DOCK1: variants seen among roughly 807,000 people sequenced by gnomAD.
DOCK1 encodes the protein dedicator of cytokinesis protein 1.
DOCK1 carries 138 observed loss-of-function variants against 262.7 expected under a neutral mutation model. The ratio of observed to expected loss-of-function variants is 0.53; its 90% CI spans 0.46 to 0.61. The LOEUF is 0.61. DOCK1 is among the 20% of genes least tolerant of loss of function. The pLI is 0.00. For missense variants in DOCK1, 1,908 were observed against 2,370.7 expected, an observed-to-expected ratio of 0.80 and a Z score of 4.05; for synonymous variants, 866 against 867.4, an observed-to-expected ratio of 1.00 and a Z score of 0.03.
At chr10:127,083,953 T>C (rs953688502) in intron 23 of DOCK1, among the ~76,000 whole-genome samples, 3 of 152,344 alleles carry the variant, frequency 2.0e-5, no homozygotes, top group African/African-American at 7.2e-5. Context: ...AGATTCTGGA[T>C]GTAAAAATAT....
intron 1 of DOCK1, among the ~76,000 whole-genome samples, chr10:126,906,219 T>A (rs1302980503): frequency 6.6e-6 from 1 of 152,180 alleles, no homozygotes; most frequent in Non-Finnish European, 1.5e-5. Context: ...GGCCTGTTTT[T>A]GCTCCGCGGC....
At chr10:127,114,238 T>C (rs2049037743) in intron 25 of DOCK1, among the ~76,000 whole-genome samples, 1 of 152,190 alleles carries the variant, frequency 6.6e-6, no homozygotes, top group African/African-American at 2.4e-5. Context: ...AGCATGCCTG[T>C]AATGGATATT....
rs988162005 is a variant in DOCK1 at position 127,166,785 on chromosome 10, T to A, written c.2847+39021T>A. Among the ~76,000 whole-genome samples the A allele has an allele frequency of 5.9e-5, 9 of 152,252 alleles. No individual in the cohort carries two copies. In the South Asian group the frequency reaches 6.2e-4, roughly 11 times the overall value. On this transcript the variant is annotated intron_variant, in intron 27 of 51. Coordinates refer to ENST00000623213, the MANE Select transcript of DOCK1 (RefSeq NM_001290223.2). ...TAGAACTTGCATTTCATTTTTTTTT[T>A]AAATCCAAATTCTGGGACACAAATC...
At position 127,012,314 on chromosome 10, in the gene DOCK1, T is replaced by C; in HGVS notation, c.1141T>C (p.Phe381Leu). ...FSPRVAGEND[F>L]LQTVINKVIA... ...ACCCAGGGTGGCAGGGGAGAATGAC[T>C]TCCTTCAGACTGTTATAAACAAAGT... Residue 381 changes from phenylalanine to leucine, a missense_variant, in exon 12 of 52, where the codon TTC (phenylalanine) becomes CTC (leucine). Physicochemically the swap from Phe to Leu is conservative, Grantham distance 22. Coordinates refer to ENST00000623213, the MANE Select transcript of DOCK1 (RefSeq NM_001290223.2). This position sits in a 1 kb window ranked among gnomAD's most constrained non-coding sequence, Gnocchi z 4.0. The C allele has an allele frequency of 6.2e-7, 1 of 1,614,040 alleles. No homozygotes were observed. Among genetic ancestry groups the C allele is most frequent in the Middle Eastern group, 1.6e-4 (1 of 6,062 alleles).
At chr10:127,245,604 G>C (rs889044791) in intron 27 of DOCK1, among the ~76,000 whole-genome samples, 1 of 152,194 alleles carries the variant, frequency 6.6e-6, no homozygotes, top group Non-Finnish European at 1.5e-5. Context: ...CAACGGTTTT[G>C]GCATTTGTTG....
chr10:127,375,963 G>A (rs2065462481), intron 35 of DOCK1, among the ~76,000 whole-genome samples: 1 of 152,160 alleles, frequency 6.6e-6, no homozygotes, highest in Admixed American at 6.5e-5. Context: ...CAGAGTGGAA[G>A]CCCAAACAGA....
chr10:127,373,648 A>T, intron 33 of DOCK1, 133 bp from the exon 34 acceptor site: 1 of 783,726 alleles, frequency 1.3e-6, no homozygotes, highest in Non-Finnish European at 2.1e-6. Context: ...GGCAACTCTT[A>T]AATGAGGCTT....
intron 50 of DOCK1, 21 bp from the exon 51 acceptor site, chr10:127,447,373 A>G: frequency 6.2e-7 from 1 of 1,607,016 alleles, no homozygotes; most frequent in Non-Finnish European, 8.5e-7. Flanking sequence ...GGCTGATTTT[A>G]AATAGATCCC....
At position 127,262,376 on chromosome 10, in the gene DOCK1, T is replaced by C. The variant is rs371841176; in HGVS notation, c.3044+4947T>C. Among the ~76,000 whole-genome samples the C allele has an allele frequency of 3.3e-5, 5 of 152,232 alleles. No homozygotes were observed. In the East Asian group the frequency reaches 9.7e-4, roughly 29 times the overall value. On this transcript the variant is annotated intron_variant, in intron 29 of 51. Transcript: ENST00000623213. ...AAGCTCAAACAAACCCATATTCCTA[T>C]CCCAGTTGACACATTCAGCAGAAAC...
intron 29 of DOCK1, among the ~76,000 whole-genome samples, chr10:127,260,322 CT>C (rs552513836): frequency 3.7e-4 from 57 of 152,328 alleles, no homozygotes; most frequent in Middle Eastern, 6.8e-3. Context: ...TTGGATGAGA[CT>C]TCTGAGGATA....
intron 1 of DOCK1, among the ~76,000 whole-genome samples, chr10:126,964,703 C>T (rs1319621944): frequency 1.3e-5 from 2 of 152,226 alleles, no homozygotes; most frequent in South Asian, 2.1e-4. Flanking sequence ...GAGTTGATTT[C>T]AAGGAGTAAC....
At chr10:127,014,087 C>T (rs74161524) in intron 12 of DOCK1, among the ~76,000 whole-genome samples, 7,199 of 152,348 alleles carry the variant, frequency 0.047, 568 homozygotes, top group African/African-American at 0.16. Context: ...CCACATGCGC[C>T]TCCTGTCTCT....
chr10:126,905,583 C>G lies in DOCK1; in HGVS notation c.46+20C>G. The G allele has an allele frequency of 2.7e-6, 1 of 373,252 alleles. No homozygotes were observed. The allele number at this position is 373,252 out of a possible 1,614,324, so 23.1% of individuals were successfully genotyped here. A position where few individuals can be genotyped will look rare whatever the true frequency, so the allele number is the denominator to read the frequency against. ...GCGTGGGTGAGCAGCGCCGCCGCCG[C>G]CGCGCCTCTCGCCCCAAGCCCAGGC... On this transcript the variant is annotated intron_variant, in intron 1 of 51. Coordinates refer to ENST00000623213, the MANE Select transcript of DOCK1 (RefSeq NM_001290223.2).
chr10:127,014,983 T>C (rs1249311082), intron 12 of DOCK1: 1 of 152,074 alleles, frequency 6.6e-6, no homozygotes, highest in Non-Finnish European at 1.5e-5. Context: ...TGTGAGCGAG[T>C]AGAGGCAGGG....
At chr10:127,002,471 C>T (rs912064410) in intron 10 of DOCK1, among the ~76,000 whole-genome samples, 7 of 152,190 alleles carry the variant, frequency 4.6e-5, no homozygotes, top group African/African-American at 1.7e-4. Context: ...AGTCTAGGTA[C>T]TAATGGATGG....
intron 11 of DOCK1, among the ~76,000 whole-genome samples, chr10:127,011,422 T>C (rs2041433537): frequency 6.6e-6 from 1 of 152,214 alleles, no homozygotes. Flanking sequence ...GTCATGTGGC[T>C]CAAGTGATGG....
In DOCK1 at chr10:127,419,748, A is replaced by C; in HGVS notation, c.4775A>C (p.Gln1592Pro). Reference sequence around the variant, plus strand: ...AAGCTCAAGGACCTGATTGCTTGGCAGGTAAAGTGTCCAGCAAGAGTCCTG... The same window carrying C: ...AAGCTCAAGGACCTGATTGCTTGGCCGGTAAAGTGTCCAGCAAGAGTCCTG... Reference protein sequence around the residue: ...IEKLKDLIAWQIPFLAEGIRI... With the variant: ...IEKLKDLIAWPIPFLAEGIRI... Residue 1592 changes from glutamine (Q) to proline (P), a missense_variant and splice_region_variant, in exon 46 of 52, where the codon CAG becomes CCG. Physicochemically the swap from Gln to Pro is moderately conservative, Grantham distance 76. Transcript: ENST00000623213. 6.3e-7 allele frequency: 1 copy of C among 1,591,374 alleles called. No homozygotes were observed. The highest frequency in any genetic ancestry group is 8.6e-7 in the Non-Finnish European group (1 of 1,168,328).
At chr10:127,121,659 A>T (rs1215059407) in intron 25 of DOCK1, among the ~76,000 whole-genome samples, 1 of 152,212 alleles carries the variant, frequency 6.6e-6, no homozygotes, top group Non-Finnish European at 1.5e-5. Context: ...CCCTTAAAAA[A>T]TGAGGTTTTA....
chr10:127,421,415 ATG>A (rs1228741168), intron 46 of DOCK1, among the ~76,000 whole-genome samples: 20 of 152,312 alleles, frequency 1.3e-4, no homozygotes, highest in African/African-American at 4.6e-4. Context: ...TTATACTGAT[ATG>A]TAAACATAAT....
Sources: allele counts gnomAD v4.1 joint callset (sites outside exome capture counted in the v4.1 genomes callset), GRCh38; gene constraint gnomAD v4.1.1; non-coding constraint Gnocchi (gnomAD v3.1); transcripts MANE v1.5; gene names NCBI Gene and HGNC (gene_info 2026-07-23, HGNC 2026-07-21).